TENM3: variants seen among roughly 807,000 people sequenced by gnomAD.
TENM3 encodes the protein teneurin-3.
A neutral mutation model predicts 255.1 loss-of-function variants in TENM3; 63 were observed. That is an observed-to-expected ratio of 0.25 (90% CI 0.20 to 0.30). The LOEUF is 0.30. TENM3 is among the 10% of genes least tolerant of loss of function. TENM3 has a pLI of 1.00. For synonymous variants in TENM3, 1,306 were observed against 1,322.3 expected, an observed-to-expected ratio of 0.99 and a Z score of 0.27; for missense variants, 2,929 against 3,461.1, an observed-to-expected ratio of 0.85 and a Z score of 3.86.
chr4:182,163,278 G>T (rs889973621), intron 1 of TENM3, among the ~76,000 whole-genome samples: 2 of 152,006 alleles, frequency 1.3e-5, no homozygotes, highest in East Asian at 3.9e-4. Context: ...ATTGCCCCTG[G>T]AGAGTTTGCC....
chr4:182,222,134 C>CG (rs1755885717), intron 1 of TENM3, among the ~76,000 whole-genome samples: 1 of 152,088 alleles, frequency 6.6e-6, no homozygotes, highest in Admixed American at 6.6e-5. Flanking sequence ...AGGATTGCCC[C>CG]GGGGAGTTTT....
At chr4:181,486,646 T>C in the TENM3 span, among the ~76,000 whole-genome samples, 667 of 152,318 alleles carry the variant, frequency 4.4e-3, 4 homozygotes, top group Non-Finnish European at 6.6e-3. Flanking sequence ...AGAAAGTTTA[T>C]AGCGGCGCTA....
chr4:181,807,115 G>A, the TENM3 span, among the ~76,000 whole-genome samples: 5 of 152,012 alleles, frequency 3.3e-5, no homozygotes, highest in African/African-American at 9.7e-5. Flanking sequence ...TTCTACCATG[G>A]CATCTGTTCT....
the TENM3 span, among the ~76,000 whole-genome samples, chr4:181,683,033 T>TTAAATAAA: frequency 1.3e-5 from 2 of 151,236 alleles, no homozygotes; most frequent in Non-Finnish European, 2.9e-5. Flanking sequence ...GATTCCATCA[T>TTAAATAAA]TAAATAAATA....
At chr4:182,170,721 C>A (rs1030382443) in intron 1 of TENM3, among the ~76,000 whole-genome samples, 3 of 151,928 alleles carry the variant, frequency 2.0e-5, no homozygotes, top group East Asian at 1.9e-4. Context: ...AGAAAAAAAA[C>A]CACAAAGCTC....
the TENM3 span, among the ~76,000 whole-genome samples, chr4:181,535,922 T>G: frequency 5.3e-5 from 8 of 152,116 alleles, no homozygotes; most frequent in Non-Finnish European, 1.0e-4. Context: ...CTTCTCATTT[T>G]GAAAATGAGA....
intron 3 of TENM3, among the ~76,000 whole-genome samples, chr4:182,571,257 G>C (rs548113227): frequency 6.6e-6 from 1 of 152,276 alleles, no homozygotes; most frequent in African/African-American, 2.4e-5. Context: ...CAGGCACGAT[G>C]GCTCCCGCCT....
intron 3 of TENM3, among the ~76,000 whole-genome samples, chr4:182,467,783 T>C (rs1299197439): frequency 6.6e-6 from 1 of 152,198 alleles, no homozygotes; most frequent in Non-Finnish European, 1.5e-5. Flanking sequence ...AACCCATCTT[T>C]ATGAACACGC....
At chr4:182,773,309 G>T (rs999813280) in intron 22 of TENM3, among the ~76,000 whole-genome samples, 163 bp from the exon 23 acceptor site, 2 of 152,150 alleles carry the variant, frequency 1.3e-5, no homozygotes, top group Non-Finnish European at 1.5e-5. Flanking sequence ...ACGGGTTTTT[G>T]ATTACTTCAA....
intron 3 of TENM3, among the ~76,000 whole-genome samples, chr4:182,361,386 T>G (rs1015006052): frequency 4.4e-4 from 67 of 152,364 alleles, no homozygotes; most frequent in African/African-American, 1.6e-3. Context: ...TCTTTTCACA[T>G]AGTCCCATAT....
At chr4:182,058,945 C>CGTGTGTGTGTGTGTGTGTGTGTGTGT in the TENM3 span, among the ~76,000 whole-genome samples, 5 of 139,028 alleles carry the variant, frequency 3.6e-5, no homozygotes, top group African/African-American at 8.0e-5. Context: ...AGTCATAGCT[C>CGTGTGTGTGTGTGTGTGTGTGTGTGT]GTGTGTGTGT....
the TENM3 span, among the ~76,000 whole-genome samples, chr4:181,565,907 G>A: frequency 3.9e-5 from 6 of 152,168 alleles, no homozygotes; most frequent in South Asian, 4.1e-4. Flanking sequence ...ATGATAAAGT[G>A]CGGAAGTAAT....
the TENM3 span, among the ~76,000 whole-genome samples, chr4:181,693,343 A>G: frequency 2.0e-5 from 3 of 152,146 alleles, no homozygotes; most frequent in Non-Finnish European, 4.4e-5. Flanking sequence ...TTCAGAGGTG[A>G]CCTGTCAGGT....
chr4:181,873,978 T>C, the TENM3 span, among the ~76,000 whole-genome samples: 2 of 152,132 alleles, frequency 1.3e-5, no homozygotes, highest in South Asian at 2.1e-4. Flanking sequence ...AGAGACAGGG[T>C]TTCACCATGT....
At chr4:181,883,375 C>G in the TENM3 span, among the ~76,000 whole-genome samples, 1 of 151,992 alleles carries the variant, frequency 6.6e-6, no homozygotes, top group East Asian at 1.9e-4. Flanking sequence ...ATGAGTATAC[C>G]CATAATACTA....
At chr4:181,665,975 A>T in the TENM3 span, among the ~76,000 whole-genome samples, 1 of 152,154 alleles carries the variant, frequency 6.6e-6, no homozygotes, top group Non-Finnish European at 1.5e-5. Context: ...ACAGTAGTGA[A>T]TAGTTCTGTA....
At chr4:181,977,521 A>T in the TENM3 span, among the ~76,000 whole-genome samples, 1 of 152,194 alleles carries the variant, frequency 6.6e-6, no homozygotes, top group African/African-American at 2.4e-5. Context: ...ATGAAGAGAC[A>T]GTTCTGGAAG....
At chr4:181,542,361 A>G in the TENM3 span, among the ~76,000 whole-genome samples, 2 of 152,168 alleles carry the variant, frequency 1.3e-5, no homozygotes, top group South Asian at 2.1e-4. Context: ...GTCTCCAGCC[A>G]TGATAGAAAG....
chr4:181,690,257 C>T, the TENM3 span, among the ~76,000 whole-genome samples: 1 of 151,034 alleles, frequency 6.6e-6, no homozygotes, highest in African/African-American at 2.4e-5. Flanking sequence ...CACACACACA[C>T]ACACCAGGAT....
Sources: gnomAD v4.1 joint callset for allele counts (sites outside exome capture counted in the v4.1 genomes callset) on GRCh38, gnomAD v4.1.1 for gene constraint, MANE v1.5 for transcripts, NCBI Gene and HGNC (gene_info 2026-07-23, HGNC 2026-07-21) for gene names.